Variants in SOCS6 observed in about 807,000 individuals in gnomAD.
SOCS6 encodes suppressor of cytokine signaling 6, also known as STAT induced STAT inhibitor-4.
In SOCS6, 5 loss-of-function variants were observed where a neutral mutation model predicts 27.7. That is an observed-to-expected ratio of 0.18 (90% CI 0.09 to 0.38). The LOEUF is 0.38. SOCS6 is among the 10% of genes least tolerant of loss of function. SOCS6 has a pLI of 1.00. For synonymous variants in SOCS6, 271 were observed against 260.0 expected (o/e 1.04, Z -0.41); for missense variants, 595 against 688.1 (o/e 0.86, Z 1.51).
chr18:70,327,777 G>T lies in SOCS6; in HGVS notation c.*1501G>T, dbSNP rs1911266370. 6.0e-6 allele frequency: 1 copy of T among 166,796 alleles called. No individual in the cohort carries two copies. The highest frequency in any genetic ancestry group is 6.6e-5 in the Admixed American group (1 of 15,262). 10.3% of individuals were successfully genotyped at this position (166,796 alleles called of 1,614,324 possible). Reference sequence around the variant, plus strand: ...TATCTCAGATGAAACATGTAATTTGGGATGGTTCTTCCTTTGTCACTTAAA... The same window carrying T: ...TATCTCAGATGAAACATGTAATTTGTGATGGTTCTTCCTTTGTCACTTAAA... On this transcript the variant is annotated 3_prime_UTR_variant, in exon 2 of 2. Transcript: ENST00000397942.
In SOCS6 at chr18:70,319,608, T is replaced by TAA. The variant is rs34494275; in HGVS notation, c.-126-4912_-126-4911dup. Among the ~76,000 whole-genome samples the TAA allele has an allele frequency of 8.0e-3, 1,013 of 126,286 alleles. 12 individuals carry two copies. Among genetic ancestry groups the TAA allele is most frequent in the African/African-American group, 0.027 (956 of 34,792 alleles). 82.8% of individuals were successfully genotyped at this position (126,286 alleles called of 152,430 possible). A position where few individuals can be genotyped will look rare whatever the true frequency, so the allele number is the denominator to read the frequency against. Reference sequence around the variant, plus strand: ...CTTTAGTAAGAACCAAGCACTTCAGTAAAAAAAAAAAAAAAAAAAAAAAAT... The same window carrying TAA: ...CTTTAGTAAGAACCAAGCACTTCAGTAAAAAAAAAAAAAAAAAAAAAAAAAAT... On this transcript the variant is annotated intron_variant, in intron 1 of 1. Transcript: ENST00000397942.
chr18:70,321,171 G>C (rs1011019841), intron 1 of SOCS6, among the ~76,000 whole-genome samples: 2 of 151,768 alleles, frequency 1.3e-5, no homozygotes, highest in African/African-American at 4.8e-5. Flanking sequence ...CTGCTCAGGA[G>C]GCTGAGGTGG....
chr18:70,296,046 C>G (rs749729356), intron 1 of SOCS6, among the ~76,000 whole-genome samples: 9 of 152,184 alleles, frequency 5.9e-5, no homozygotes, highest in Non-Finnish European at 8.8e-5. Context: ...CAGGACGAAT[C>G]ACAGGAGCCT....
intron 1 of SOCS6, among the ~76,000 whole-genome samples, chr18:70,295,486 T>G (rs1440146663): frequency 6.6e-6 from 1 of 152,216 alleles, no homozygotes; most frequent in Non-Finnish European, 1.5e-5. Flanking sequence ...TTTGTTGTGA[T>G]GTGTATAATA....
chr18:70,310,273 A>G (rs1018583782), intron 1 of SOCS6, among the ~76,000 whole-genome samples: 1 of 148,284 alleles, frequency 6.7e-6, no homozygotes, highest in Admixed American at 6.7e-5. Flanking sequence ...TATAGTTTTC[A>G]TAAATGGTTT....
intron 1 of SOCS6, among the ~76,000 whole-genome samples, chr18:70,297,320 TAAA>T (rs1258658464): frequency 2.0e-5 from 3 of 151,010 alleles, no homozygotes; most frequent in Non-Finnish European, 2.9e-5. Flanking sequence ...ATGATGGAGA[TAAA>T]GAAGTGTATG....
Position 70,324,941 on chromosome 18 carries a change from G to A in SOCS6, c.273G>A (p.Ala91=), listed in dbSNP as rs781334187. 2.1e-5 allele frequency: 34 copies of A among 1,614,158 alleles called. No homozygotes were observed. Among genetic ancestry groups the A allele is most frequent in the South Asian group, 3.3e-5 (3 of 91,078 alleles). The part of the protein sequence containing the change: ...LSAKQKSKGK[A]GTPSGSSADE... ...CAAAACAGAAGTCAAAAGGCAAGGC[G>A]GGCACACCCTCTGGGAGCTCTGCCG... Residue 91 remains alanine, a synonymous_variant, in exon 2 of 2, where the codon GCG becomes GCA. Transcript: ENST00000397942.
rs375355086 is a variant in SOCS6 at position 70,313,179 on chromosome 18, T to C, written c.-126-11364T>C. Among the ~76,000 whole-genome samples, 20 of 152,328 alleles carry C rather than the reference T, an allele frequency of 1.3e-4. No individual in the cohort carries two copies. The South Asian group carries it at 1.7e-3, about 13-fold the overall frequency. ...TCTTGCTTTTGTGATTTCTTTCTTA[T>C]TACCTTTCTTCTTCCTTTTCATCAT... On this transcript the variant is annotated intron_variant, in intron 1 of 1. Transcript: ENST00000397942.
intron 1 of SOCS6, among the ~76,000 whole-genome samples, chr18:70,296,925 T>G (rs55981011): frequency 0.18 from 25,288 of 142,098 alleles, 2,865 homozygotes; most frequent in African/African-American, 0.32. Context: ...TTTTCTGTCT[T>G]AAGCTCTTCT....
chr18:70,314,999 A>G (rs1249762740), intron 1 of SOCS6, among the ~76,000 whole-genome samples: 1 of 152,006 alleles, frequency 6.6e-6, no homozygotes, highest in African/African-American at 2.4e-5. Flanking sequence ...CCTTTGATCT[A>G]AGGTAATATA....
At chr18:70,291,398 C>A (rs2062298865) in intron 1 of SOCS6, among the ~76,000 whole-genome samples, 1 of 152,188 alleles carries the variant, frequency 6.6e-6, no homozygotes, top group Non-Finnish European at 1.5e-5. Context: ...CCACACCCAG[C>A]CTGCAAGTGT....
chr18:70,307,403 T>C (rs780556245), intron 1 of SOCS6, among the ~76,000 whole-genome samples: 14 of 152,228 alleles, frequency 9.2e-5, no homozygotes, highest in South Asian at 2.1e-4. Context: ...CTCTGTTAGC[T>C]GAAAGAGTTT....
At position 70,324,843 on chromosome 18, in the gene SOCS6, G is replaced by C. The variant is rs868241462; in HGVS notation, c.175G>C (p.Glu59Gln). 2 of 1,614,178 alleles carry C rather than the reference G, an allele frequency of 1.2e-6. No homozygotes were observed. The highest frequency in any genetic ancestry group is 1.7e-6 in the Non-Finnish European group (2 of 1,180,022). Residue 59 changes from glutamate to glutamine, a missense_variant, in exon 2 of 2, where the codon GAA (glutamate) becomes CAA (glutamine). Coordinates refer to ENST00000397942, the MANE Select transcript of SOCS6 (RefSeq NM_004232.4). ...TATGGCCAGCTGCGATATCAACGGT[G>C]AAGATGAAAAAGGCGGAAAAAACAG... ...KDMASCDING[E>Q]DEKGGKNRSK...
chr18:70,305,286 A>G (rs985916422), intron 1 of SOCS6, among the ~76,000 whole-genome samples: 10 of 152,174 alleles, frequency 6.6e-5, no homozygotes, highest in African/African-American at 2.4e-4. Flanking sequence ...ATTCTTACCT[A>G]TGGTGTGAAG....
intron 1 of SOCS6, among the ~76,000 whole-genome samples, chr18:70,289,728 G>A (rs2062290238): frequency 6.6e-6 from 1 of 151,930 alleles, no homozygotes; most frequent in Non-Finnish European, 1.5e-5. Flanking sequence ...GCAGGCCGGG[G>A]CTGCTCTGCG....
chr18:70,292,071 C>T (rs892681846), intron 1 of SOCS6, among the ~76,000 whole-genome samples: 1 of 152,128 alleles, frequency 6.6e-6, no homozygotes, highest in Non-Finnish European at 1.5e-5. Context: ...AGGTCTTTAC[C>T]CACCCATACA....
intron 1 of SOCS6, among the ~76,000 whole-genome samples, chr18:70,311,563 C>T (rs193244885): frequency 1.3e-5 from 2 of 152,172 alleles, no homozygotes; most frequent in East Asian, 1.9e-4. Flanking sequence ...AATGTAAAAT[C>T]GGCTCGATGG....
Position 70,302,794 on chromosome 18 carries a change from T to G in SOCS6, c.-127+13704T>G, listed in dbSNP as rs146028532. On this transcript the variant is annotated intron_variant, in intron 1 of 1. Coordinates refer to ENST00000397942, the MANE Select transcript of SOCS6 (RefSeq NM_004232.4). ...TATAAAAAAAAAATTTAAGTCAGATTTGCAAAAAGTTATTTTGAGCAGGTA... is the reference window on the plus strand; with the variant it reads ...TATAAAAAAAAAATTTAAGTCAGATGTGCAAAAAGTTATTTTGAGCAGGTA... Among the ~76,000 whole-genome samples the G allele has an allele frequency of 9.4e-3, 1,435 of 152,238 alleles. 12 individuals are homozygous for G. The highest frequency in any genetic ancestry group is 0.034 in the Middle Eastern group (10 of 294).
intron 1 of SOCS6, among the ~76,000 whole-genome samples, chr18:70,319,242 A>G (rs577753549): frequency 1.2e-4 from 18 of 152,224 alleles, no homozygotes; most frequent in Non-Finnish European, 2.5e-4. Context: ...GTGGAGTAGA[A>G]TCTAAGAAAC....
Sources: gnomAD v4.1 joint callset for allele counts (sites outside exome capture counted in the v4.1 genomes callset) on GRCh38, gnomAD v4.1.1 for gene constraint, MANE v1.5 for transcripts, NCBI Gene and HGNC (gene_info 2026-07-23, HGNC 2026-07-21) for gene names.